PLPPR5: variants seen among roughly 807,000 people sequenced by gnomAD.
PLPPR5 encodes phospholipid phosphatase-related protein type 5.
PLPPR5 carries 16 observed loss-of-function variants against 33.9 expected under a neutral mutation model. The ratio of observed to expected loss-of-function variants is 0.47; its 90% CI spans 0.32 to 0.72. The LOEUF (loss-of-function observed/expected upper bound fraction) is 0.72. Ranked by LOEUF, PLPPR5 falls within the 30% of genes least tolerant of loss-of-function variation. The probability of loss-of-function intolerance (pLI) is 0.03; values close to 1 mark genes in which losing one functional copy is unlikely to be tolerated. For synonymous variants in PLPPR5, 163 were observed against 150.3 expected (o/e 1.08, Z -0.62); for missense variants, 301 against 406.7 (o/e 0.74, Z 2.23).
At chr1:98,958,397 CT>C (rs1015265954) in intron 1 of PLPPR5, among the ~76,000 whole-genome samples, 3 of 151,016 alleles carry the variant, frequency 2.0e-5, no homozygotes, top group African/African-American at 7.3e-5. Flanking sequence ...TTTCCTCTTT[CT>C]TTTTTTAACT....
chr1:98,971,301 CA>C (rs1358368120), intron 1 of PLPPR5, among the ~76,000 whole-genome samples: 1 of 151,770 alleles, frequency 6.6e-6, no homozygotes, highest in Non-Finnish European at 1.5e-5. Flanking sequence ...TATTACATCT[CA>C]AAGCAATAAT....
At chr1:98,943,308 G>A (rs999336602) in intron 3 of PLPPR5, among the ~76,000 whole-genome samples, 1 of 152,138 alleles carries the variant, frequency 6.6e-6, no homozygotes, top group African/African-American at 2.4e-5. Context: ...GGTATACATT[G>A]TAATGATTTC....
intron 5 of PLPPR5, among the ~76,000 whole-genome samples, chr1:98,901,940 T>C (rs142856702): frequency 0.014 from 2,077 of 152,162 alleles, 18 homozygotes; most frequent in Non-Finnish European, 0.017. Context: ...CTTTTAATAA[T>C]ATAATCTTAT....
At chr1:98,981,895 G>A (rs1412581632) in intron 1 of PLPPR5, among the ~76,000 whole-genome samples, 1 of 152,060 alleles carries the variant, frequency 6.6e-6, no homozygotes, top group Non-Finnish European at 1.5e-5. Flanking sequence ...TATCTGTTCT[G>A]CCTGAAGTTA....
intron 5 of PLPPR5, among the ~76,000 whole-genome samples, chr1:98,893,738 A>G (rs1485972164): frequency 6.6e-6 from 1 of 150,886 alleles, no homozygotes; most frequent in African/African-American, 2.4e-5. Flanking sequence ...CTGCTGAAAT[A>G]CTGCAATGAA....
intron 4 of PLPPR5, among the ~76,000 whole-genome samples, chr1:98,919,725 C>A (rs1314736173): frequency 6.6e-6 from 1 of 152,170 alleles, no homozygotes; most frequent in Non-Finnish European, 1.5e-5. Context: ...TCTCTTCTAT[C>A]CTCAACTTTG....
chr1:98,893,060 T>C lies in PLPPR5; in HGVS notation c.*12A>G. The C allele has an allele frequency of 6.2e-7, 1 of 1,610,880 alleles. No homozygotes were observed. Among genetic ancestry groups the C allele is most frequent in the Non-Finnish European group, 8.5e-7 (1 of 1,178,120 alleles). On this transcript the variant is annotated 3_prime_UTR_variant, in exon 6 of 6. Coordinates refer to ENST00000263177, the MANE Select transcript of PLPPR5 (RefSeq NM_001037317.2). Reference sequence around the variant, plus strand: ...TGATGTCCAATGCAGTGAAAAACCATCTGCTTCGATATCATGTGACTTCTG... The same window carrying C: ...TGATGTCCAATGCAGTGAAAAACCACCTGCTTCGATATCATGTGACTTCTG...
chr1:98,928,154 T>C (rs6577238), intron 3 of PLPPR5, among the ~76,000 whole-genome samples: 26,310 of 152,062 alleles, frequency 0.17, 2,535 homozygotes, highest in Non-Finnish European at 0.22. Flanking sequence ...ACTTGAAATA[T>C]GATGAGGCCA....
intron 5 of PLPPR5, among the ~76,000 whole-genome samples, chr1:98,910,597 A>G (rs1209719240): frequency 6.6e-6 from 1 of 152,212 alleles, no homozygotes; most frequent in Non-Finnish European, 1.5e-5. Flanking sequence ...ATTAATAAAA[A>G]CAAGCATGAT....
At chr1:98,926,322 C>T (rs1305275323) in intron 3 of PLPPR5, among the ~76,000 whole-genome samples, 2 of 152,130 alleles carry the variant, frequency 1.3e-5, no homozygotes, top group Non-Finnish European at 2.9e-5. Flanking sequence ...TTCCAGATTG[C>T]ACCCTATAGT....
chr1:98,897,237 G>A (rs1648513604), intron 5 of PLPPR5, among the ~76,000 whole-genome samples: 2 of 152,176 alleles, frequency 1.3e-5, no homozygotes, highest in Non-Finnish European at 2.9e-5. Context: ...ACACCAGTGC[G>A]CTCCAGCGCA....
chr1:98,928,572 T>TATATATATATATATATATATATATATATA (rs1649849553), intron 3 of PLPPR5, among the ~76,000 whole-genome samples: 5 of 141,658 alleles, frequency 3.5e-5, no homozygotes, highest in East Asian at 2.1e-4. Context: ...TATATATATA[T>TATATATATATATATATATATATATATATA]GGTTCACTTT....
chr1:98,959,041 C>T (rs1343138107), intron 1 of PLPPR5, among the ~76,000 whole-genome samples: 1 of 152,170 alleles, frequency 6.6e-6, no homozygotes, highest in African/African-American at 2.4e-5. Flanking sequence ...AAAGGAATCA[C>T]ATTTTCAAAA....
intron 1 of PLPPR5, among the ~76,000 whole-genome samples, chr1:98,985,491 G>A (rs544132446): frequency 2.0e-4 from 30 of 152,124 alleles, no homozygotes; most frequent in African/African-American, 5.5e-4. Flanking sequence ...TAAATTTAGT[G>A]TAGCCTAAAT....
chr1:98,923,825 G>A (rs1649658519), intron 3 of PLPPR5, among the ~76,000 whole-genome samples: 1 of 152,148 alleles, frequency 6.6e-6, no homozygotes, highest in Admixed American at 6.6e-5. Flanking sequence ...CGATGCTTTT[G>A]CCATTCTGAG....
Position 98,922,078 on chromosome 1 carries a change from A to AT in PLPPR5, c.622-21_622-20insA, listed in dbSNP as rs771600395. The AT allele has an allele frequency of 1.9e-6, 3 of 1,609,452 alleles. No homozygotes were observed. In the South Asian group the frequency reaches 3.3e-5, roughly 18 times the overall value. On this transcript the variant is annotated intron_variant, in intron 3 of 5. Coordinates refer to ENST00000263177, the MANE Select transcript of PLPPR5 (RefSeq NM_001037317.2). ...GTACATCTGAAACATTCAATAAAAA[A>AT]AATGACTTTTCATGAAGGTATTTCC... is the stretch of plus-strand genomic sequence containing the variant.
intron 3 of PLPPR5, among the ~76,000 whole-genome samples, chr1:98,924,622 C>A (rs1357611972): frequency 6.6e-6 from 1 of 152,176 alleles, no homozygotes; most frequent in East Asian, 1.9e-4. Flanking sequence ...TCCCTCACCC[C>A]CGAAGGCCAT....
chr1:99,004,397 A>G, intron 1 of PLPPR5, 38 bp downstream of exon 1: 1 of 1,529,130 alleles, frequency 6.5e-7, no homozygotes, highest in Non-Finnish European at 8.9e-7. Context: ...GGGCGAGATC[A>G]GGGACTCGGC....
At chr1:98,956,222 A>C (rs1650993508) in intron 2 of PLPPR5, among the ~76,000 whole-genome samples, 1 of 152,210 alleles carries the variant, frequency 6.6e-6, no homozygotes. Flanking sequence ...TTGGCTCTTA[A>C]AGAATATTAA....
Sources: allele counts gnomAD v4.1 joint callset (sites outside exome capture counted in the v4.1 genomes callset), GRCh38; gene constraint gnomAD v4.1.1; transcripts MANE v1.5; gene names NCBI Gene and HGNC (gene_info 2026-07-23, HGNC 2026-07-21).